The following LOC122455342 variants were observed in gnomAD, a reference collection of about 807,000 sequenced individuals.
At chr17:76,569,240 A>AG in the LOC122455342 span, 1 of 247,934 alleles carries the variant, frequency 4.0e-6, no homozygotes, top group Non-Finnish European at 6.8e-6. Context: ...CGGGGCACAT[A>AG]GGGGGTGATA....
the LOC122455342 span, chr17:76,569,083 TG>T: frequency 1.4e-4 from 6 of 42,966 alleles, no homozygotes; most frequent in Admixed American, 6.1e-4. Flanking sequence ...CTGGGGGTGG[TG>T]GGGGGGCGGG....
chr17:76,569,476 G>A, the LOC122455342 span: 1 of 364,304 alleles, frequency 2.7e-6, no homozygotes, highest in African/African-American at 2.3e-5. Flanking sequence ...CCGGGAAGAG[G>A]GCTGTGAGGC....
chr17:76,568,877 C>T, the LOC122455342 span: 52 of 1,384,850 alleles, frequency 3.8e-5, no homozygotes, highest in East Asian at 4.2e-4. Context: ...GTCAGGGCGC[C>T]GGAGTAGCCG....
the LOC122455342 span, chr17:76,569,380 G>A: frequency 5.1e-6 from 2 of 395,574 alleles, no homozygotes; most frequent in African/African-American, 4.2e-5. Flanking sequence ...AGACTGGGAG[G>A]GAGATTTGGA....
chr17:76,568,974 G>A, the LOC122455342 span: 1 of 607,666 alleles, frequency 1.6e-6, no homozygotes, highest in South Asian at 1.9e-5. Context: ...TGGGGACCAC[G>A]TGCGGCTTCC....
At chr17:76,568,932 G>A in the LOC122455342 span, 6 of 749,004 alleles carry the variant, frequency 8.0e-6, no homozygotes, top group African/African-American at 1.1e-4. Flanking sequence ...AGTAGCGGGA[G>A]AAGGGGGTGT....
chr17:76,568,985 C>T, the LOC122455342 span: 14 of 588,736 alleles, frequency 2.4e-5, no homozygotes, highest in African/African-American at 1.9e-4. Flanking sequence ...TGCGGCTTCC[C>T]GCTCACCAGG....
the LOC122455342 span, chr17:76,568,812 G>A: frequency 5.6e-6 from 9 of 1,612,566 alleles, no homozygotes; most frequent in South Asian, 9.9e-5. Context: ...ACCCATGATA[G>A]AAGTGGACAG....
chr17:76,569,031 G>A, the LOC122455342 span: 11 of 172,182 alleles, frequency 6.4e-5, no homozygotes, highest in South Asian at 1.6e-3. Flanking sequence ...GAGAGGAGGG[G>A]GGCATGAACA....
At chr17:76,568,813 A>G in the LOC122455342 span, 7 of 1,612,306 alleles carry the variant, frequency 4.3e-6, no homozygotes, top group South Asian at 4.4e-5. Context: ...CCCATGATAG[A>G]AGTGGACAGA....
the LOC122455342 span, chr17:76,569,043 AC>A: frequency 9.0e-6 from 1 of 111,384 alleles, no homozygotes; most frequent in Non-Finnish European, 1.6e-5. Context: ...GCATGAACAG[AC>A]CGGGGGGAGT....
the LOC122455342 span, chr17:76,569,430 G>A: frequency 2.6e-5 from 10 of 379,124 alleles, no homozygotes; most frequent in South Asian, 1.4e-4. Context: ...CGCGGGGCAC[G>A]TGTTGGACCT....
the LOC122455342 span, chr17:76,568,830 A>G: frequency 1.4e-5 from 22 of 1,609,102 alleles, no homozygotes; most frequent in African/African-American, 2.8e-4. Flanking sequence ...CAGAGCGCCC[A>G]GAGCCGTCGT....
the LOC122455342 span, chr17:76,569,243 G>A: frequency 5.4e-6 from 2 of 373,088 alleles, no homozygotes; most frequent in Admixed American, 9.7e-5. Flanking sequence ...GGCACATAGG[G>A]GGTGATATAG....
the LOC122455342 span, chr17:76,569,023 G>C: frequency 2.7e-6 from 1 of 373,752 alleles, no homozygotes; most frequent in Non-Finnish European, 4.8e-6. Flanking sequence ...GTAGGAGAGA[G>C]AGGAGGGGGG....
the LOC122455342 span, chr17:76,569,257 G>A: frequency 1.6e-5 from 6 of 382,616 alleles, no homozygotes; most frequent in Non-Finnish European, 2.7e-5. Flanking sequence ...GATATAGGAC[G>A]GGATGTTCTG....
At chr17:76,569,623 T>C in the LOC122455342 span, 1 of 396,330 alleles carries the variant, frequency 2.5e-6, no homozygotes, top group Non-Finnish European at 4.4e-6. Flanking sequence ...AGGGGATGGA[T>C]TAGGGGTGTG....
chr17:76,569,468 G>A, the LOC122455342 span: 8 of 371,144 alleles, frequency 2.2e-5, no homozygotes, highest in Admixed American at 2.9e-4. Context: ...GACGAAGTCC[G>A]GGAAGAGGGC....
the LOC122455342 span, chr17:76,569,065 C>T: frequency 4.5e-5 from 10 of 222,718 alleles, no homozygotes; most frequent in Non-Finnish European, 7.4e-5. Flanking sequence ...TGGGAAGGGG[C>T]AGTTAAACTG....
Sources: gnomAD v4.1 joint callset for allele counts on GRCh38, gnomAD v4.1.1 for gene constraint, MANE v1.5 for transcripts.